Variants in ARHGAP8 observed in about 807,000 individuals in gnomAD.
ARHGAP8 encodes the protein Rho GTPase activating protein 8, also known as rho GTPase-activating protein 8.
A neutral mutation model predicts 46.1 loss-of-function variants in ARHGAP8; 62 were observed. The ratio of observed to expected loss-of-function variants is 1.34; its 90% CI spans 1.10 to 1.66. ARHGAP8 has a LOEUF of 1.66. Among genes scored for constraint, ARHGAP8 ranks in the 40% most tolerant of loss-of-function variants. The pLI is 0.00. For synonymous variants in ARHGAP8, 375 were observed against 243.1 expected, an observed-to-expected ratio of 1.54 and a Z score of -5.05; for missense variants, 923 against 568.4, an observed-to-expected ratio of 1.62 and a Z score of -6.34.
rs766788904 is a variant in ARHGAP8 at position 44,849,003 on chromosome 22, G to C, written c.820G>C (p.Glu274Gln). 3.1e-6 allele frequency: 5 copies of C among 1,614,116 alleles called. No individual in the cohort carries two copies. The highest frequency in any genetic ancestry group is 3.4e-6 in the Non-Finnish European group (4 of 1,180,040). Residue 274 changes from glutamate (E) to glutamine (Q), a missense_variant, in exon 10 of 12, where the codon GAG (glutamate) becomes CAG (glutamine). Physicochemically the swap from Glu to Gln is conservative, Grantham distance 29 (BLOSUM62 2). Transcript: ENST00000356099. ...PAVILKTFLRELPQPLLTFQA... is the reference protein window; with the variant it reads ...PAVILKTFLRQLPQPLLTFQA... ...CGTGATCCTGAAGACCTTCCTGCGA[G>C]AGCTGCCCCAGCCGCTTCTGACCTT...
chr22:44,842,548 G>C (rs1260151174), intron 7 of ARHGAP8, among the ~76,000 whole-genome samples: 1 of 152,208 alleles, frequency 6.6e-6, no homozygotes, highest in African/African-American at 2.4e-5. Context: ...GGGGGTCACA[G>C]GCAGACCTCA....
chr22:44,805,056 G>A (rs988363230), intron 3 of ARHGAP8, among the ~76,000 whole-genome samples: 1 of 152,144 alleles, frequency 6.6e-6, no homozygotes, highest in Non-Finnish European at 1.5e-5. Context: ...GCCCACTCTT[G>A]GTGTTTACCA....
intron 2 of ARHGAP8, among the ~76,000 whole-genome samples, chr22:44,793,275 G>A (rs566099211): frequency 9.2e-5 from 14 of 152,276 alleles, no homozygotes; most frequent in African/African-American, 2.9e-4. Context: ...CAGGGTGGGG[G>A]ATGGAAGGTT....
chr22:44,773,902 T>C (rs1380577367), intron 1 of ARHGAP8, among the ~76,000 whole-genome samples: 1 of 152,214 alleles, frequency 6.6e-6, no homozygotes, highest in Non-Finnish European at 1.5e-5. Context: ...CTTATTAATA[T>C]GCCATTTATA....
chr22:44,833,341 T>C (rs1400757638), intron 7 of ARHGAP8, among the ~76,000 whole-genome samples: 1 of 150,844 alleles, frequency 6.6e-6, no homozygotes, highest in Non-Finnish European at 1.5e-5. Context: ...TCTAGTTTGT[T>C]GAGTGGTTGG....
chr22:44,833,520 T>G (rs1436304183), intron 7 of ARHGAP8, among the ~76,000 whole-genome samples: 1 of 152,216 alleles, frequency 6.6e-6, no homozygotes, highest in Non-Finnish European at 1.5e-5. Context: ...GATAAATCAT[T>G]TGTGTTCATG....
intron 7 of ARHGAP8, among the ~76,000 whole-genome samples, chr22:44,836,081 T>C (rs1931265242): frequency 6.6e-6 from 1 of 152,126 alleles, no homozygotes; most frequent in South Asian, 2.1e-4. Context: ...ACCAAGCAGT[T>C]TCTCATTCCC....
At chr22:44,760,537 A>G (rs1271557829) in intron 1 of ARHGAP8, among the ~76,000 whole-genome samples, 2 of 152,210 alleles carry the variant, frequency 1.3e-5, no homozygotes, top group South Asian at 2.1e-4. Context: ...GAGAGCCTGC[A>G]TTGTGCAAAT....
At chr22:44,836,781 A>G (rs1312058422) in intron 7 of ARHGAP8, among the ~76,000 whole-genome samples, 1 of 152,026 alleles carries the variant, frequency 6.6e-6, no homozygotes, top group Non-Finnish European at 1.5e-5. Flanking sequence ...CTGGGTGCCC[A>G]GCTGAGGCAG....
At chr22:44,844,430 A>G (rs1436633111) in intron 7 of ARHGAP8, among the ~76,000 whole-genome samples, 1 of 152,166 alleles carries the variant, frequency 6.6e-6, no homozygotes, top group Non-Finnish European at 1.5e-5. Context: ...AAACATTCCA[A>G]TTAAAAGACA....
intron 1 of ARHGAP8, among the ~76,000 whole-genome samples, chr22:44,760,033 T>A (rs1381910990): frequency 6.6e-6 from 1 of 152,204 alleles, no homozygotes; most frequent in East Asian, 1.9e-4. Flanking sequence ...CCTTTCAGGG[T>A]GCTGAAGGTT....
intron 9 of ARHGAP8, among the ~76,000 whole-genome samples, 167 bp from the exon 10 acceptor site, chr22:44,848,765 G>A (rs2070022540): frequency 6.6e-6 from 1 of 152,144 alleles, no homozygotes; most frequent in African/African-American, 2.4e-5. Flanking sequence ...GATGGGGCCA[G>A]AGCACACCCA....
chr22:44,859,758 G>C lies in ARHGAP8; in HGVS notation c.905G>C (p.Gly302Ala). 6.2e-7 allele frequency: 1 copy of C among 1,613,920 alleles called. No homozygotes were observed. The highest frequency in any genetic ancestry group is 8.5e-7 in the Non-Finnish European group (1 of 1,180,028). The change falls in exon 11 of 12, where the codon GGC becomes GCC. Residue 302 changes from glycine to alanine, a missense_variant. Gly to Ala is a moderately conservative substitution (Grantham distance 60). Transcript: ENST00000356099. ...TCVESSLRVT[G>A]CRQILRSLPE... ...GTGGAGAGCAGCCTGCGTGTCACTG[G>C]CTGCCGCCAGATCTTACGGAGCCTC...
At chr22:44,800,627 G>C (rs1192782301) in intron 2 of ARHGAP8, among the ~76,000 whole-genome samples, 1,041 of 44,774 alleles carry the variant, frequency 0.023, 51 homozygotes, top group African/African-American at 0.033. Context: ...TGTGTGGGGG[G>C]CGCCCCTCCC....
chr22:44,848,145 G>C, intron 9 of ARHGAP8, 95 bp downstream of exon 9: 2 of 1,510,096 alleles, frequency 1.3e-6, no homozygotes, highest in Non-Finnish European at 1.8e-6. Flanking sequence ...CACCGCCCCC[G>C]CAACCCACCC....
At chr22:44,838,962 C>T (rs550342466) in intron 7 of ARHGAP8, among the ~76,000 whole-genome samples, 1 of 152,262 alleles carries the variant, frequency 6.6e-6, no homozygotes, top group South Asian at 2.1e-4. Context: ...TCTCTGCTTT[C>T]CAAATGGAGA....
intron 3 of ARHGAP8, among the ~76,000 whole-genome samples, chr22:44,807,118 C>T (rs982471916): frequency 1.3e-5 from 2 of 152,088 alleles, no homozygotes; most frequent in Non-Finnish European, 2.9e-5. Flanking sequence ...TGCAGAGCAC[C>T]CCACCCACAG....
chr22:44,800,040 G>A (rs1348912533), intron 2 of ARHGAP8, among the ~76,000 whole-genome samples: 1 of 151,958 alleles, frequency 6.6e-6, no homozygotes, highest in Non-Finnish European at 1.5e-5. Flanking sequence ...AGGCACGGAG[G>A]ATGGTCTGCA....
chr22:44,757,548 A>G (rs1281276977), intron 1 of ARHGAP8, among the ~76,000 whole-genome samples: 2 of 152,054 alleles, frequency 1.3e-5, no homozygotes, highest in Non-Finnish European at 2.9e-5. Flanking sequence ...AAGTGCTGGG[A>G]TTGCAGGCGT....
Sources: gnomAD v4.1 joint callset for allele counts (sites outside exome capture counted in the v4.1 genomes callset) on GRCh38, gnomAD v4.1.1 for gene constraint, MANE v1.5 for transcripts, NCBI Gene and HGNC (gene_info 2026-07-23, HGNC 2026-07-21) for gene names.